The following ENTPD7 variants were observed in gnomAD, a reference collection of about 807,000 sequenced individuals.
ENTPD7 encodes the protein NTPDase 7.
ENTPD7 carries 53 observed loss-of-function variants against 77.9 expected under a neutral mutation model. The observed-to-expected ratio is 0.68, with a 90% CI of 0.55 to 0.85. The LOEUF (loss-of-function observed/expected upper bound fraction) is 0.85. Ranked by LOEUF, ENTPD7 falls within the 40% of genes least tolerant of loss-of-function variation. The pLI is 0.00. For missense variants in ENTPD7, 636 were observed against 743.7 expected, an observed-to-expected ratio of 0.86 and a Z score of 1.68; for synonymous variants, 248 against 274.9, an observed-to-expected ratio of 0.90 and a Z score of 0.97.
chr10:99,694,210 C>T (rs1020102192), intron 8 of ENTPD7, among the ~76,000 whole-genome samples: 1 of 152,298 alleles, frequency 6.6e-6, no homozygotes. Flanking sequence ...CTCTCCCTAC[C>T]CCTGACAACT....
chr10:99,666,777 A>G (rs567609641), intron 3 of ENTPD7, among the ~76,000 whole-genome samples: 2 of 152,370 alleles, frequency 1.3e-5, no homozygotes, highest in East Asian at 1.9e-4. Context: ...GGCATATTTT[A>G]TAATAAAGTA....
Position 99,679,431 on chromosome 10 carries a change from G to C in ENTPD7, c.362G>C (p.Arg121Pro). Residue 121 changes from arginine to proline, a missense_variant, in exon 4 of 13, where the codon CGC becomes CCC. By Grantham distance (103) the Arg-to-Pro change is moderately radical. Transcript: ENST00000370489. The part of the protein sequence containing the change: ...DLLDIKQMRD[R>P]NSQPVVKKIK... ...CTGGACATCAAACAGATGAGAGACC[G>C]CAACAGCCAACCAGTGGTTAAAAAA... 1 of 1,613,668 alleles carries C rather than the reference G, an allele frequency of 6.2e-7. No homozygotes were observed. Among genetic ancestry groups the C allele is most frequent in the African/African-American group, 1.3e-5 (1 of 74,952 alleles).
chr10:99,683,027 A>C (rs1368838191), intron 5 of ENTPD7, among the ~76,000 whole-genome samples: 2 of 152,020 alleles, frequency 1.3e-5, no homozygotes, highest in Non-Finnish European at 2.9e-5. Context: ...GTGTAGCTCC[A>C]CCCTTTTTGT....
chr10:99,674,812 G>A (rs1009740846), intron 3 of ENTPD7, among the ~76,000 whole-genome samples: 1 of 152,178 alleles, frequency 6.6e-6, no homozygotes, highest in Non-Finnish European at 1.5e-5. Flanking sequence ...AGGTAAAACC[G>A]CTAATAATGC....
chr10:99,660,126 C>T (rs376709604), intron 2 of ENTPD7, among the ~76,000 whole-genome samples, 162 bp downstream of exon 2: 1 of 152,122 alleles, frequency 6.6e-6, no homozygotes, highest in South Asian at 2.1e-4. Context: ...TGTATTATTT[C>T]GAGGGCTGAT....
chr10:99,696,219 G>GCTTCCTC, intron 9 of ENTPD7, 97 bp downstream of exon 9: 1 of 1,419,054 alleles, frequency 7.0e-7, no homozygotes, highest in Non-Finnish European at 9.5e-7. Flanking sequence ...ATAAGTCCCT[G>GCTTCCTC]CTTCCTCCTT....
At chr10:99,674,392 T>C (rs1159097386) in intron 3 of ENTPD7, among the ~76,000 whole-genome samples, 1 of 152,230 alleles carries the variant, frequency 6.6e-6, no homozygotes, top group Non-Finnish European at 1.5e-5. Flanking sequence ...ATTTACATTG[T>C]TGTGACACAG....
At chr10:99,668,807 C>G (rs1342216519) in intron 3 of ENTPD7, among the ~76,000 whole-genome samples, 1 of 151,964 alleles carries the variant, frequency 6.6e-6, no homozygotes, top group East Asian at 1.9e-4. Context: ...AACACAAGCG[C>G]CTGTAGTTGT....
rs1001288699 is a variant in ENTPD7 at position 99,706,437 on chromosome 10, A to G, written c.*1754A>G. Among the ~76,000 whole-genome samples the G allele has an allele frequency of 7.9e-5, 12 of 151,876 alleles. No individual in the cohort carries two copies. Among genetic ancestry groups the G allele is most frequent in the African/African-American group, 2.9e-4 (12 of 41,354 alleles). ...CGCAGCCTCAACCTCCTGGGCTCAA[A>G]CAGTCCTCCCAACTCAGACTCCAGA... On this transcript the variant is annotated 3_prime_UTR_variant, in exon 13 of 13. Coordinates refer to ENST00000370489, the MANE Select transcript of ENTPD7 (RefSeq NM_020354.5).
chr10:99,686,251 G>A (rs1490189220), intron 6 of ENTPD7, among the ~76,000 whole-genome samples: 2 of 152,082 alleles, frequency 1.3e-5, no homozygotes, highest in Non-Finnish European at 2.9e-5. Context: ...TCAAATGTAA[G>A]GTAAATTATT....
chr10:99,690,068 C>T (rs546239141), intron 7 of ENTPD7, among the ~76,000 whole-genome samples: 10 of 152,110 alleles, frequency 6.6e-5, no homozygotes, highest in Admixed American at 5.9e-4. Flanking sequence ...CATTAGAGCC[C>T]ATCACATTAT....
In ENTPD7 at chr10:99,659,862, G is replaced by T; in HGVS notation, c.-95G>T. On this transcript the variant is annotated splice_region_variant and 5_prime_UTR_variant, in exon 2 of 13. Transcript: ENST00000370489. This position sits in a 1 kb window ranked among gnomAD's most constrained non-coding sequence, Gnocchi z 4.1. The stretch of plus-strand genomic sequence containing the variant: ...GAAGCCTGAAATCAAATCTTTCTAG[G>T]CTGCAGACGTAGGAGATGCCTGGGA... 6.4e-7 allele frequency: 1 copy of T among 1,566,762 alleles called. No homozygotes were observed. The highest frequency in any genetic ancestry group is 8.8e-7 in the Non-Finnish European group (1 of 1,141,860).
chr10:99,709,110 T>C lies in ENTPD7; in HGVS notation c.*4427T>C. On this transcript the variant is annotated 3_prime_UTR_variant, in exon 13 of 13. Transcript: ENST00000370489. ...TCTTTTTAAAACAATTTTATACAAT[T>C]TCCTTTACTACAACATCCAAGCAAT... 1.0e-6 allele frequency: 1 copy of C among 982,364 alleles called. No homozygotes were observed. Among genetic ancestry groups the C allele is most frequent in the Non-Finnish European group, 1.2e-6 (1 of 827,144 alleles). 60.9% of individuals were successfully genotyped at this position (982,364 alleles called of 1,614,324 possible).
intron 3 of ENTPD7, among the ~76,000 whole-genome samples, chr10:99,673,386 G>A (rs1439829537): frequency 6.6e-6 from 1 of 152,194 alleles, no homozygotes; most frequent in African/African-American, 2.4e-5. Context: ...CATTTTAGGA[G>A]CCTAAATAGA....
chr10:99,696,208 G>C (rs1363206715), intron 9 of ENTPD7, 86 bp downstream of exon 9: 2 of 1,479,314 alleles, frequency 1.4e-6, no homozygotes, highest in Admixed American at 4.0e-5. Context: ...TCCTAAGACA[G>C]ATAAGTCCCT....
At chr10:99,677,685 A>G (rs1278649648) in intron 3 of ENTPD7, among the ~76,000 whole-genome samples, 1 of 152,130 alleles carries the variant, frequency 6.6e-6, no homozygotes, top group African/African-American at 2.4e-5. Context: ...AAGTATTTTA[A>G]TCAACTCTTA....
chr10:99,710,813 C>A lies in ENTPD7; in HGVS notation c.*6130C>A, dbSNP rs1048724008. On this transcript the variant is annotated 3_prime_UTR_variant, in exon 13 of 13. Transcript: ENST00000370489. Reference sequence around the variant, plus strand: ...GAGTTGCTAGTCATTACCCCTGCTACAATAGATAGTATTTGTCAGTCTAAG... The same window carrying A: ...GAGTTGCTAGTCATTACCCCTGCTAAAATAGATAGTATTTGTCAGTCTAAG... 4.1e-6 allele frequency: 4 copies of A among 985,224 alleles called. No homozygotes were observed. Among genetic ancestry groups the A allele is most frequent in the African/African-American group, 3.5e-5 (2 of 57,232 alleles). 61.0% of individuals were successfully genotyped at this position (985,224 alleles called of 1,614,324 possible).
chr10:99,696,284 G>A (rs901618466), intron 9 of ENTPD7, among the ~76,000 whole-genome samples, 162 bp downstream of exon 9: 2 of 152,280 alleles, frequency 1.3e-5, no homozygotes, highest in East Asian at 3.9e-4. Flanking sequence ...TCTATTAGCA[G>A]TCCCACTCTG....
Position 99,691,536 on chromosome 10 carries a change from G to T in ENTPD7, c.843+18G>T, listed in dbSNP as rs560281113. 3.7e-5 allele frequency: 59 copies of T among 1,611,956 alleles called. No homozygotes were observed. The Middle Eastern group carries it at 8.9e-4, about 24-fold the overall frequency. On this transcript the variant is annotated intron_variant, in intron 8 of 12. Transcript: ENST00000370489. ...CAAAGCAGGTACTTTACCTTTTAGG[G>T]AAATTTAGTTGCTAGGAATGCTAGT...
Sources: gnomAD v4.1 joint callset for allele counts (sites outside exome capture counted in the v4.1 genomes callset) on GRCh38, gnomAD v4.1.1 for gene constraint, Gnocchi (gnomAD v3.1) non-coding constraint, MANE v1.5 for transcripts, NCBI Gene and HGNC (gene_info 2026-07-23, HGNC 2026-07-21) for gene names.